GAL3ST3: variants seen among roughly 807,000 people sequenced by gnomAD.
GAL3ST3 encodes the protein galactose-3-O-sulfotransferase 3.
In GAL3ST3, 21 loss-of-function variants were observed where a neutral mutation model predicts 20.8. The ratio of observed to expected loss-of-function variants is 1.01; its 90% CI spans 0.72 to 1.45. GAL3ST3 has a LOEUF of 1.45. Ranked by LOEUF, GAL3ST3 falls within the 40% of genes most tolerant of loss-of-function variation. GAL3ST3 has a pLI of 0.00. For synonymous variants in GAL3ST3, 355 were observed against 307.2 expected, an observed-to-expected ratio of 1.16 and a Z score of -1.63; for missense variants, 739 against 662.7, an observed-to-expected ratio of 1.12 and a Z score of -1.26.
In GAL3ST3 at chr11:66,042,878, C is replaced by A; in HGVS notation, c.925G>T (p.Val309Leu). 1.7e-6 allele frequency: 2 copies of A among 1,175,370 alleles called. No homozygotes were observed. The highest frequency in any genetic ancestry group is 2.0e-5 in the South Asian group (1 of 49,484). The allele number at this position is 1,175,370 out of a possible 1,614,324, so 72.8% of individuals were successfully genotyped here. The change falls in exon 3 of 3, where the codon GTG becomes TTG. Residue 309 changes from valine to leucine, a missense_variant. Coordinates refer to ENST00000312006, the MANE Select transcript of GAL3ST3 (RefSeq NM_033036.3). The stretch of plus-strand genomic sequence containing the variant: ...ACGCACGCGCGGCCCGCGCGCGCCA[C>A]GTGGCGCCAGAAGGTGGCGTTGAAG... ...DHFNATFWRH[V>L]ARAGRACVER...
intron 1 of GAL3ST3, among the ~76,000 whole-genome samples, chr11:66,046,335 C>T (rs1856783114): frequency 6.6e-6 from 1 of 152,210 alleles, no homozygotes; most frequent in Non-Finnish European, 1.5e-5. Context: ...TAGCTGGGCT[C>T]CTGCCCTGAG....
rs369683301 is a variant in GAL3ST3 at position 66,041,596 on chromosome 11, C to T, written c.*911G>A. On this transcript the variant is annotated 3_prime_UTR_variant, in exon 3 of 3. Transcript: ENST00000312006. ...GTGTTGTGCTCTAACCCCTCCAGTC[C>T]TTCCTCTTTGCTTACCTGTCTTGCT... 9.2e-5 allele frequency among the ~76,000 whole-genome samples: 14 copies of T among 152,340 alleles called. No homozygotes were observed. The South Asian group carries it at 2.7e-3, about 29-fold the overall frequency.
intron 1 of GAL3ST3, among the ~76,000 whole-genome samples, chr11:66,047,037 A>T (rs959068863): frequency 8.6e-5 from 13 of 151,890 alleles, no homozygotes; most frequent in Non-Finnish European, 1.5e-4. Flanking sequence ...GCTTCCCTCC[A>T]CCTGCCTGCA....
chr11:66,048,428 G>C (rs1856804059), intron 1 of GAL3ST3, among the ~76,000 whole-genome samples: 1 of 152,100 alleles, frequency 6.6e-6, no homozygotes, highest in Admixed American at 6.5e-5. Flanking sequence ...CTTAGAGGAA[G>C]GGGTGCCCTG....
intron 2 of GAL3ST3, among the ~76,000 whole-genome samples, chr11:66,044,743 G>A (rs1856761833): frequency 6.6e-6 from 1 of 152,182 alleles, no homozygotes; most frequent in South Asian, 2.1e-4. Context: ...TGGGTGTTTG[G>A]GATTTCAAAC....
rs1370944106 is a variant in GAL3ST3 at position 66,042,794 on chromosome 11, C to T, written c.1009G>A (p.Gly337Arg). ...GCAGGCCGCAGCAGTGGCTCGTCCC[C>T]GAAGCAGCGCCGCAGTAGGCGCTGG... ...ARQRLLRRCF[G>R]DEPLLRPAAQ... Residue 337 changes from glycine (G) to arginine (R), a missense_variant, in exon 3 of 3, where the codon GGG becomes AGG. Physicochemically the swap from Gly to Arg is moderately radical, Grantham distance 125. Coordinates refer to ENST00000312006, the MANE Select transcript of GAL3ST3 (RefSeq NM_033036.3). 1.4e-6 allele frequency: 2 copies of T among 1,471,310 alleles called. No homozygotes were observed. Among genetic ancestry groups the T allele is most frequent in the Non-Finnish European group, 1.8e-6 (2 of 1,121,668 alleles). The allele number at this position is 1,471,310 out of a possible 1,614,324, so 91.1% of individuals were successfully genotyped here. A position where few individuals can be genotyped will look rare whatever the true frequency, so the allele number is the denominator to read the frequency against.
Position 66,043,034 on chromosome 11 carries a change from A to G in GAL3ST3, c.769T>C (p.Trp257Arg). The change falls in exon 3 of 3, where the codon TGG becomes CGG. Residue 257 changes from tryptophan (W) to arginine (R), a missense_variant. Coordinates refer to ENST00000312006, the MANE Select transcript of GAL3ST3 (RefSeq NM_033036.3). The part of the protein sequence containing the change: ...SLVLLRRLLA[W>R]DLDDVLYAKL... ...GCGTAGAGCACGTCGTCCAGGTCCC[A>G]GGCCAGTAGGCGCCGCAGCAGCACT... 2 of 1,610,442 alleles carry G rather than the reference A, an allele frequency of 1.2e-6. No individual in the cohort carries two copies. Among genetic ancestry groups the G allele is most frequent in the Non-Finnish European group, 1.7e-6 (2 of 1,179,034 alleles).
chr11:66,045,658 C>T (rs564524075), intron 1 of GAL3ST3, 131 bp from the exon 2 acceptor site: 1 of 361,936 alleles, frequency 2.8e-6, no homozygotes, highest in African/African-American at 2.1e-5. Context: ...TCCTACCTCC[C>T]GTTATCAAGA....
rs371663769 is a variant in GAL3ST3 at position 66,042,801 on chromosome 11, G to T, written c.1002C>A (p.Arg334=). The change falls in exon 3 of 3, where the codon CGC becomes CGA. Residue 334 remains arginine, a synonymous_variant. Transcript: ENST00000312006. ...LREARQRLLR[R]CFGDEPLLRP... The stretch of plus-strand genomic sequence containing the variant: ...GCAGCAGTGGCTCGTCCCCGAAGCA[G>T]CGCCGCAGTAGGCGCTGGCGGGCCT... The T allele has an allele frequency of 3.4e-6, 5 of 1,455,200 alleles. No homozygotes were observed. Among genetic ancestry groups the T allele is most frequent in the Non-Finnish European group, 9.0e-7 (1 of 1,114,668 alleles). 90.1% of individuals were successfully genotyped at this position (1,455,200 alleles called of 1,614,324 possible). A position where few individuals can be genotyped will look rare whatever the true frequency, so the allele number is the denominator to read the frequency against.
chr11:66,045,352 G>A lies in GAL3ST3; in HGVS notation c.64C>T (p.Leu22=). The A allele has an allele frequency of 6.2e-7, 1 of 1,608,300 alleles. No individual in the cohort carries two copies. The highest frequency in any genetic ancestry group is 8.5e-7 in the Non-Finnish European group (1 of 1,177,066). Residue 22 remains leucine (L), a synonymous_variant, in exon 2 of 3, where the codon CTG becomes TTG. Coordinates refer to ENST00000312006, the MANE Select transcript of GAL3ST3 (RefSeq NM_033036.3). ...ACGGTGCTGCACCCTAGCACCAGCA[G>A]CAGGATTTTCCGGCGGCTCATCATC... The part of the protein sequence containing the change: ...TKMMSRRKIL[L]LVLGCSTVSL...
chr11:66,042,772 G>GGCCGCAGCAGTGGCTCGTC lies in GAL3ST3; in HGVS notation c.1012_1030dup (p.Pro344ArgfsTer31), dbSNP rs1241018315. The GGCCGCAGCAGTGGCTCGTC allele has an allele frequency of 1.1e-5, 16 of 1,509,492 alleles. No homozygotes were observed. The highest frequency in any genetic ancestry group is 1.4e-5 in the Non-Finnish European group (16 of 1,137,260). The allele number at this position is 1,509,492 out of a possible 1,614,324, so 93.5% of individuals were successfully genotyped here. ...CTGCTTGGTGCGGATCTGCGCGGCA[G>GGCCGCAGCAGTGGCTCGTC]GCCGCAGCAGTGGCTCGTCCCCGAA... On this transcript the variant is annotated frameshift_variant, in exon 3 of 3. Transcript: ENST00000312006. LOFTEE classifies it high-confidence loss of function.
intron 2 of GAL3ST3, among the ~76,000 whole-genome samples, chr11:66,044,684 A>G (rs1226973555): frequency 6.6e-6 from 1 of 152,184 alleles, no homozygotes; most frequent in East Asian, 1.9e-4. Flanking sequence ...TACAAAAACA[A>G]TCCTAGCCCT....
In GAL3ST3 at chr11:66,042,790, T is replaced by C. The variant is rs969345946; in HGVS notation, c.1013A>G (p.Asp338Gly). ...RQRLLRRCFGDEPLLRPAAQI... is the reference protein window; with the variant it reads ...RQRLLRRCFGGEPLLRPAAQI... ...CGCGGCAGGCCGCAGCAGTGGCTCG[T>C]CCCCGAAGCAGCGCCGCAGTAGGCG... The change falls in exon 3 of 3, where the codon GAC becomes GGC. Residue 338 changes from aspartate to glycine, a missense_variant. Physicochemically the swap from Asp to Gly is moderately conservative, Grantham distance 94. Transcript: ENST00000312006. 6.8e-7 allele frequency: 1 copy of C among 1,479,578 alleles called. No homozygotes were observed. Among genetic ancestry groups the C allele is most frequent in the Non-Finnish European group, 8.9e-7 (1 of 1,125,168 alleles). 91.7% of individuals were successfully genotyped at this position (1,479,578 alleles called of 1,614,324 possible). A position where few individuals can be genotyped will look rare whatever the true frequency, so the allele number is the denominator to read the frequency against.
intron 1 of GAL3ST3, among the ~76,000 whole-genome samples, chr11:66,047,849 G>A (rs1038283861): frequency 3.3e-5 from 5 of 152,146 alleles, no homozygotes; most frequent in Non-Finnish European, 7.4e-5. Flanking sequence ...AGACCTTCAG[G>A]TATTTGGAAG....
intron 2 of GAL3ST3, 132 bp downstream of exon 2, chr11:66,045,159 A>T: frequency 1.4e-6 from 1 of 700,826 alleles, no homozygotes; most frequent in Non-Finnish European, 2.2e-6. Flanking sequence ...GTCCCTGTCC[A>T]GGGAGGCTGT....
chr11:66,043,052 G>A lies in GAL3ST3; in HGVS notation c.751C>T (p.Leu251=), dbSNP rs1856734106. The A allele has an allele frequency of 1.9e-6, 3 of 1,611,326 alleles. No homozygotes were observed. The highest frequency in any genetic ancestry group is 2.5e-6 in the Non-Finnish European group (3 of 1,179,250). The change falls in exon 3 of 3, where the codon CTG becomes TTG. Residue 251 remains leucine, a synonymous_variant. Coordinates refer to ENST00000312006, the MANE Select transcript of GAL3ST3 (RefSeq NM_033036.3). The part of the protein sequence containing the change: ...AEYFDESLVL[L]RRLLAWDLDD... ...AGGTCCCAGGCCAGTAGGCGCCGCA[G>A]CAGCACTAGCGACTCGTCGAAGTAC...
intron 1 of GAL3ST3, 32 bp from the exon 2 acceptor site, chr11:66,045,559 G>T: frequency 1.2e-6 from 1 of 857,492 alleles, no homozygotes; most frequent in Non-Finnish European, 1.7e-6. Context: ...GTTTGCAGTG[G>T]GCAGAGGAGA....
chr11:66,043,438 G>A lies in GAL3ST3; in HGVS notation c.365C>T (p.Pro122Leu), dbSNP rs752959290. 2.5e-6 allele frequency: 4 copies of A among 1,608,846 alleles called. No homozygotes were observed. Among genetic ancestry groups the A allele is most frequent in the Middle Eastern group, 1.6e-4 (1 of 6,076 alleles). ...CAGGTGGCTGGCCAGCACGTGCGGC[G>A]GCCGCGTGGCCGGGTGCACGAAGTG... is the stretch of plus-strand genomic sequence containing the variant. ...SAHFVHPATR[P>L]PHVLASHLRF... Residue 122 changes from proline to leucine, a missense_variant, in exon 3 of 3, where the codon CCG becomes CTG. Physicochemically the swap from Pro to Leu is moderately conservative, Grantham distance 98. Transcript: ENST00000312006.
Position 66,042,246 on chromosome 11 carries a change from C to G in GAL3ST3, c.*261G>C. On this transcript the variant is annotated 3_prime_UTR_variant, in exon 3 of 3. Transcript: ENST00000312006. The stretch of plus-strand genomic sequence containing the variant: ...GAGCAGTTCTGGACAGCCCTCAGGC[C>G]TCTTGTCAAAATCACCAACCAGCTG... 4.4e-6 allele frequency: 2 copies of G among 456,630 alleles called. 1 individual carries two copies. Among genetic ancestry groups the G allele is most frequent in the South Asian group, 7.7e-5 (2 of 25,826 alleles). The allele number at this position is 456,630 out of a possible 1,614,324, so 28.3% of individuals were successfully genotyped here.
Sources: allele counts gnomAD v4.1 joint callset (sites outside exome capture counted in the v4.1 genomes callset), GRCh38; gene constraint gnomAD v4.1.1; transcripts MANE v1.5; gene names NCBI Gene and HGNC (gene_info 2026-07-23, HGNC 2026-07-21).